Variants in FAM110B observed in about 807,000 individuals in gnomAD.
FAM110B encodes protein FAM110B.
In FAM110B, 6 loss-of-function variants were observed where a neutral mutation model predicts 20.4. The ratio of observed to expected loss-of-function variants is 0.29; its 90% CI spans 0.16 to 0.58. FAM110B has a LOEUF of 0.58. Ranked by LOEUF, FAM110B falls within the 20% of genes least tolerant of loss-of-function variation. FAM110B has a pLI of 0.90. For synonymous variants in FAM110B, 226 were observed against 214.1 expected (o/e 1.06, Z -0.49); for missense variants, 434 against 498.2 (o/e 0.87, Z 1.23).
intron 3 of FAM110B, among the ~76,000 whole-genome samples, chr8:58,091,210 T>C (rs1806469301): frequency 6.6e-6 from 1 of 152,214 alleles, no homozygotes; most frequent in Non-Finnish European, 1.5e-5. Flanking sequence ...GCTGGGAGTA[T>C]GTTTTAAGCA....
At chr8:58,065,293 G>A (rs988475214) in intron 2 of FAM110B, among the ~76,000 whole-genome samples, 1 of 152,112 alleles carries the variant, frequency 6.6e-6, no homozygotes, top group East Asian at 1.9e-4. Flanking sequence ...TAGACATTAC[G>A]CTTTAGAAGA....
chr8:58,113,087 AT>A (rs1313394349), intron 3 of FAM110B: 2 of 136,234 alleles, frequency 1.5e-5, no homozygotes, highest in African/African-American at 6.3e-5. Context: ...ATTCCCATTC[AT>A]GGGGGGGGGC....
chr8:58,103,486 T>C lies in FAM110B; in HGVS notation c.-325+27863T>C, dbSNP rs572089933. 3.3e-5 allele frequency among the ~76,000 whole-genome samples: 5 copies of C among 152,302 alleles called. No individual in the cohort carries two copies. In the East Asian group the frequency reaches 5.8e-4, roughly 18 times the overall value. ...TGATTTCCAATTTCATCCATGCCCC[T>C]ACAAAGGACATGAACTCATCATTTT... On this transcript the variant is annotated intron_variant, in intron 3 of 3. Coordinates refer to ENST00000519262, the MANE Select transcript of FAM110B (RefSeq NM_001377989.1).
intron 1 of FAM110B, among the ~76,000 whole-genome samples, chr8:57,996,762 T>C (rs1363424060): frequency 6.6e-6 from 1 of 152,216 alleles, no homozygotes; most frequent in Non-Finnish European, 1.5e-5. Flanking sequence ...GAACCGTTGG[T>C]ACAGCAGAGT....
At chr8:58,015,695 A>G (rs1804623668) in intron 1 of FAM110B, among the ~76,000 whole-genome samples, 1 of 151,894 alleles carries the variant, frequency 6.6e-6, no homozygotes. Flanking sequence ...AAAATAAAAA[A>G]TTAGCCAGGT....
chr8:58,130,345 G>A (rs574732465), intron 3 of FAM110B, among the ~76,000 whole-genome samples: 1 of 152,264 alleles, frequency 6.6e-6, no homozygotes, highest in East Asian at 1.9e-4. Flanking sequence ...ATGAGTCCTG[G>A]TATCAGCCCC....
At chr8:58,029,234 C>T (rs1804917178) in intron 1 of FAM110B, among the ~76,000 whole-genome samples, 1 of 152,146 alleles carries the variant, frequency 6.6e-6, no homozygotes, top group African/African-American at 2.4e-5. Context: ...TATAGAACAC[C>T]TATGTTTTGC....
chr8:57,996,272 G>A (rs1390194025), intron 1 of FAM110B, among the ~76,000 whole-genome samples: 1 of 152,200 alleles, frequency 6.6e-6, no homozygotes, highest in Non-Finnish European at 1.5e-5. Context: ...TTGTTAGCCT[G>A]ACATAAAGTG....
chr8:57,995,123 GGCCGGGGCTGGA>G (rs1331926850), intron 1 of FAM110B, among the ~76,000 whole-genome samples: 1 of 152,144 alleles, frequency 6.6e-6, no homozygotes, highest in Non-Finnish European at 1.5e-5. Context: ...CTGGGCACGG[GGCCGGGGCTGGA>G]GCCGGGGTTG....
At chr8:58,068,653 G>C (rs1461176886) in intron 2 of FAM110B, among the ~76,000 whole-genome samples, 1 of 151,530 alleles carries the variant, frequency 6.6e-6, no homozygotes, top group Non-Finnish European at 1.5e-5. Flanking sequence ...TTGATCTTTG[G>C]AATGGAATTT....
chr8:58,144,281 TGA>T (rs1454367830), intron 3 of FAM110B, among the ~76,000 whole-genome samples: 5 of 152,224 alleles, frequency 3.3e-5, no homozygotes, highest in Non-Finnish European at 7.3e-5. Flanking sequence ...GTTCTGGCTC[TGA>T]GTCTCTTCTG....
At chr8:58,000,746 G>A (rs187288174) in intron 1 of FAM110B, among the ~76,000 whole-genome samples, 9 of 152,258 alleles carry the variant, frequency 5.9e-5, no homozygotes, top group African/African-American at 1.7e-4. Context: ...TCCTGATTAC[G>A]CTTGTGTGTT....
At chr8:58,127,656 A>G (rs1334734568) in intron 3 of FAM110B, among the ~76,000 whole-genome samples, 1 of 152,244 alleles carries the variant, frequency 6.6e-6, no homozygotes, top group South Asian at 2.1e-4. Context: ...GTATTTCTCA[A>G]TAGTGGTGAG....
chr8:58,000,793 G>A (rs1191469457), intron 1 of FAM110B, among the ~76,000 whole-genome samples: 14 of 152,172 alleles, frequency 9.2e-5, no homozygotes, highest in African/African-American at 3.4e-4. Context: ...GAGTTGGGAG[G>A]TTCATTGTAC....
At chr8:58,105,341 C>T (rs1355607968) in intron 3 of FAM110B, among the ~76,000 whole-genome samples, 2 of 152,030 alleles carry the variant, frequency 1.3e-5, no homozygotes, top group Non-Finnish European at 2.9e-5. Flanking sequence ...AGATATAAAG[C>T]ACTTAGCATA....
At chr8:58,025,517 G>T (rs1804837359) in intron 1 of FAM110B, among the ~76,000 whole-genome samples, 1 of 152,184 alleles carries the variant, frequency 6.6e-6, no homozygotes, top group Non-Finnish European at 1.5e-5. Flanking sequence ...CCTTGATCTT[G>T]TAGGTGATGA....
intron 1 of FAM110B, among the ~76,000 whole-genome samples, chr8:58,023,455 T>G (rs1455863064): frequency 6.6e-6 from 1 of 152,210 alleles, no homozygotes; most frequent in African/African-American, 2.4e-5. Flanking sequence ...AAAACTGGGC[T>G]AATGAAAAAG....
At chr8:58,023,189 TA>T (rs1011223196) in intron 1 of FAM110B, among the ~76,000 whole-genome samples, 1 of 152,178 alleles carries the variant, frequency 6.6e-6, no homozygotes, top group Non-Finnish European at 1.5e-5. Context: ...TTTTTATTTT[TA>T]TTTTTCAAGC....
At chr8:58,125,036 A>ATTGTAAT (rs889190900) in intron 3 of FAM110B, among the ~76,000 whole-genome samples, 1 of 152,294 alleles carries the variant, frequency 6.6e-6, no homozygotes, top group Non-Finnish European at 1.5e-5. Flanking sequence ...TGCTTAGATT[A>ATTGTAAT]TTGTAATTTG....
Sources: gnomAD v4.1 joint callset for allele counts (sites outside exome capture counted in the v4.1 genomes callset) on GRCh38, gnomAD v4.1.1 for gene constraint, MANE v1.5 for transcripts, NCBI Gene and HGNC (gene_info 2026-07-23, HGNC 2026-07-21) for gene names.